MAGED1: variants seen among roughly 807,000 people sequenced by gnomAD.
MAGED1 encodes melanoma-associated antigen D1.
MAGED1 carries 3 observed loss-of-function variants against 54.1 expected under a neutral mutation model. The observed-to-expected ratio is 0.06, with a 90% CI of 0.03 to 0.14. The LOEUF (loss-of-function observed/expected upper bound fraction) is 0.14. MAGED1 is among the 10% of genes least tolerant of loss of function. The probability of loss-of-function intolerance (pLI) is 1.00; values close to 1 mark genes in which losing one functional copy is unlikely to be tolerated. For missense variants in MAGED1, 485 were observed against 623.4 expected, an observed-to-expected ratio of 0.78 and a Z score of 2.36; for synonymous variants, 217 against 227.3, an observed-to-expected ratio of 0.95 and a Z score of 0.41.
chrX:51,809,855 C>T (rs150984245), intron 1 of MAGED1, among the ~76,000 whole-genome samples: 1,458 of 111,298 alleles, frequency 0.013, 13 homozygotes, highest in Non-Finnish European at 0.02. Context: ...TTCTTTCAAT[C>T]TTTCTGCATT....
chrX:51,853,764 G>T (rs782391521), intron 1 of MAGED1, among the ~76,000 whole-genome samples: 1 of 112,247 alleles, frequency 8.9e-6, no homozygotes, highest in South Asian at 3.7e-4. Flanking sequence ...TCAACCTGAT[G>T]ATTGGTCCAA....
chrX:51,819,251 G>T (rs1484273956), intron 1 of MAGED1, among the ~76,000 whole-genome samples: 1 of 109,765 alleles, frequency 9.1e-6, no homozygotes, highest in Admixed American at 9.8e-5. Context: ...GTCAGGAAAA[G>T]ATTCAAACCA....
chrX:51,893,599 T>C (rs1427562630), upstream of MAGED1: 6 of 113,740 alleles, frequency 5.3e-5, no homozygotes, highest in Non-Finnish European at 7.5e-5. Context: ...GGGTGGTATA[T>C]TAGGCGAAGA....
intron 1 of MAGED1, among the ~76,000 whole-genome samples, chrX:51,815,625 C>T (rs1359535646): frequency 2.8e-5 from 3 of 108,636 alleles, no homozygotes; most frequent in Non-Finnish European, 3.8e-5. Context: ...CGGGTTCAAG[C>T]GATTCTCCTG....
At chrX:51,879,828 T>C (rs1303736294) in intron 1 of MAGED1, among the ~76,000 whole-genome samples, 8 of 111,883 alleles carry the variant, frequency 7.2e-5, no homozygotes, top group Admixed American at 6.6e-4. Context: ...TTCTGGTTGT[T>C]GGTGCCTCCA....
intron 1 of MAGED1, among the ~76,000 whole-genome samples, chrX:51,808,340 C>T (rs1557355284): frequency 1.8e-5 from 2 of 112,059 alleles, no homozygotes; most frequent in African/African-American, 6.5e-5. Context: ...CAAGTGGGAG[C>T]CCATTCACAT....
upstream of MAGED1, among the ~76,000 whole-genome samples, chrX:51,893,258 A>G (rs1557363666): frequency 9.1e-6 from 1 of 109,616 alleles, no homozygotes; most frequent in African/African-American, 3.3e-5. Context: ...GGGGGTGGAG[A>G]TGCAAGCCGG....
chrX:51,854,598 C>A (rs781843633), intron 1 of MAGED1, among the ~76,000 whole-genome samples: 1 of 111,607 alleles, frequency 9.0e-6, no homozygotes, highest in African/African-American at 3.3e-5. Context: ...AAGTCAGCTT[C>A]CCTCTCTTGA....
chrX:51,805,965 CTTTTTTT>C (rs57427122), intron 1 of MAGED1, among the ~76,000 whole-genome samples: 3 of 36,948 alleles, frequency 8.1e-5, no homozygotes, highest in African/African-American at 1.1e-4. Context: ...CTTTTCTTTT[CTTTTTTT>C]TTTTTTTTTT....
At chrX:51,821,438 T>C (rs1227592160) in intron 1 of MAGED1, among the ~76,000 whole-genome samples, 3 of 111,311 alleles carry the variant, frequency 2.7e-5, no homozygotes, top group African/African-American at 9.8e-5. Flanking sequence ...TCACCCAGGC[T>C]GGAGTACAGT....
intron 1 of MAGED1, among the ~76,000 whole-genome samples, chrX:51,823,581 C>T (rs1925722517): frequency 9.0e-6 from 1 of 111,546 alleles, no homozygotes; most frequent in Non-Finnish European, 1.9e-5. Flanking sequence ...GTCGATTTAA[C>T]TAGTCTCTCT....
intron 1 of MAGED1, among the ~76,000 whole-genome samples, chrX:51,861,739 A>G (rs782133244): frequency 1.8e-5 from 2 of 111,584 alleles, no homozygotes; most frequent in East Asian, 2.8e-4. Flanking sequence ...GCTATAGTGC[A>G]ATAGTGCGAT....
chrX:51,862,006 G>A (rs965042365), intron 1 of MAGED1, among the ~76,000 whole-genome samples: 3 of 111,900 alleles, frequency 2.7e-5, no homozygotes, highest in African/African-American at 6.5e-5. Flanking sequence ...GCTAAAAAAC[G>A]TCAGAGTATT....
chrX:51,838,839 C>T (rs1926351072), intron 1 of MAGED1, among the ~76,000 whole-genome samples: 1 of 111,537 alleles, frequency 9.0e-6, no homozygotes, highest in African/African-American at 3.3e-5. Flanking sequence ...AGGAAATTGG[C>T]TTGCAAACAC....
chrX:51,870,287 C>T (rs1431001337), intron 1 of MAGED1, among the ~76,000 whole-genome samples: 5 of 111,731 alleles, frequency 4.5e-5, no homozygotes, highest in African/African-American at 1.3e-4. Context: ...TTGGTTGAAA[C>T]GAATTAAAGT....
intron 1 of MAGED1, among the ~76,000 whole-genome samples, chrX:51,832,222 G>T (rs1471816876): frequency 9.0e-6 from 1 of 110,660 alleles, no homozygotes; most frequent in Non-Finnish European, 1.9e-5. Context: ...TAGGGATGGG[G>T]TTTCACCATG....
chrX:51,901,580 A>G lies in MAGED1; in HGVS notation c.1987A>G (p.Thr663Ala). The G allele has an allele frequency of 8.4e-7, 1 of 1,190,183 alleles. No individual in the cohort carries two copies. Among genetic ancestry groups the G allele is most frequent in the Non-Finnish European group, 1.1e-6 (1 of 883,814 alleles). ...TCAGAAAAGAGACCCTCGTGACTGG[A>G]CTGCACAGTTCATGGAGGCTGCAGA... ...EVQKRDPRDW[T>A]AQFMEAADEA... The change falls in exon 12 of 13, where the codon ACT becomes GCT. Residue 663 changes from threonine to alanine, a missense_variant. Thr to Ala is a moderately conservative substitution (Grantham distance 58, BLOSUM62 0). This residue lies in a region of MAGED1 where 186 missense variants were observed against 330.3 expected (regional missense o/e 0.56). Coordinates refer to ENST00000326587, the MANE Select transcript of MAGED1 (RefSeq NM_006986.4).
At chrX:51,883,539 C>T (rs1928133190) in intron 1 of MAGED1, among the ~76,000 whole-genome samples, 1 of 112,195 alleles carries the variant, frequency 8.9e-6, no homozygotes, top group Admixed American at 9.4e-5. Context: ...ATCTTCATAA[C>T]ATAATATGCA....
chrX:51,826,372 T>G (rs1925851736), intron 1 of MAGED1, among the ~76,000 whole-genome samples: 1 of 112,180 alleles, frequency 8.9e-6, no homozygotes, highest in South Asian at 3.7e-4. Context: ...TGTTTTATAT[T>G]TAGATTCGTG....
Sources: allele counts gnomAD v4.1 joint callset (sites outside exome capture counted in the v4.1 genomes callset), GRCh38; gene constraint gnomAD v4.1.1; regional missense constraint gnomAD v4.1.1; transcripts MANE v1.5; gene names NCBI Gene and HGNC (gene_info 2026-07-23, HGNC 2026-07-21).